YIPF4: variants seen among roughly 807,000 people sequenced by gnomAD.
YIPF4 encodes Yip1 domain family member 4, also known as protein YIPF4.
A neutral mutation model predicts 29.4 loss-of-function variants in YIPF4; 18 were observed. The ratio of observed to expected loss-of-function variants is 0.61; its 90% CI spans 0.42 to 0.91. The LOEUF (loss-of-function observed/expected upper bound fraction) is 0.91, where lower values mean the gene tolerates loss of function less well. Among genes scored for constraint, YIPF4 ranks in the 40% least tolerant of loss-of-function variants. The pLI, the probability that YIPF4 is intolerant of heterozygous loss-of-function variation, is 0.00. For missense variants in YIPF4, 279 were observed against 282.7 expected (o/e 0.99, Z 0.09); for synonymous variants, 115 against 104.7 (o/e 1.10, Z -0.60).
chr2:32,290,794 TGA>T, intron 2 of YIPF4, 158 bp downstream of exon 2: 2 of 392,910 alleles, frequency 5.1e-6, no homozygotes. Context: ...GAAATAATAA[TGA>T]GAGAATATTT....
chr2:32,298,139 T>G, intron 3 of YIPF4, 95 bp from the exon 4 acceptor site: 1 of 947,562 alleles, frequency 1.1e-6, no homozygotes, highest in Admixed American at 2.0e-5. Flanking sequence ...AAATTGGGCA[T>G]GCTAAACTGT....
chr2:32,302,656 T>C (rs1389177231), intron 5 of YIPF4, among the ~76,000 whole-genome samples: 1 of 152,166 alleles, frequency 6.6e-6, no homozygotes, highest in African/African-American at 2.4e-5. Flanking sequence ...GTCGAACAAC[T>C]TTGGGAAATA....
intron 1 of YIPF4, among the ~76,000 whole-genome samples, chr2:32,288,122 C>A (rs2030754155): frequency 6.6e-6 from 1 of 152,028 alleles, no homozygotes; most frequent in Admixed American, 6.6e-5. Flanking sequence ...ATTTTTTGGA[C>A]TTTCCTGTTC....
chr2:32,305,475 T>A lies in YIPF4; in HGVS notation c.598-14T>A. 6.6e-7 allele frequency: 1 copy of A among 1,525,038 alleles called. No individual in the cohort carries two copies. Among genetic ancestry groups the A allele is most frequent in the South Asian group, 1.4e-5 (1 of 73,212 alleles). The allele number at this position is 1,525,038 out of a possible 1,614,324, so 94.5% of individuals were successfully genotyped here. Reference sequence around the variant, plus strand: ...CTAATATGCTGCCTTTTGTCTTTTTTCCTTTTTTTAAAGCTGTTTGGTGTG... The same window carrying A: ...CTAATATGCTGCCTTTTGTCTTTTTACCTTTTTTTAAAGCTGTTTGGTGTG... On this transcript the variant is annotated splice_polypyrimidine_tract_variant and intron_variant, in intron 5 of 5. Coordinates refer to ENST00000238831, the MANE Select transcript of YIPF4 (RefSeq NM_032312.4).
intron 3 of YIPF4, among the ~76,000 whole-genome samples, 196 bp downstream of exon 3, chr2:32,292,544 C>T (rs2030962476): frequency 7.9e-5 from 12 of 152,076 alleles, no homozygotes; most frequent in Admixed American, 7.9e-4. Flanking sequence ...TCAAACTTTT[C>T]CACATCATGA....
In YIPF4 at chr2:32,298,258, T is replaced by C; in HGVS notation, c.430T>C (p.Trp144Arg). The C allele has an allele frequency of 6.2e-7, 1 of 1,610,896 alleles. No individual in the cohort carries two copies. Among genetic ancestry groups the C allele is most frequent in the Non-Finnish European group, 8.5e-7 (1 of 1,178,092 alleles). Residue 144 changes from tryptophan to arginine, a missense_variant, in exon 4 of 6, where the codon TGG becomes CGG. By Grantham distance (101) the Trp-to-Arg change is moderately radical. Transcript: ENST00000238831. ...GGTGGTCTCATGGATTATAACCATTTGGATATTTGGTTCACTAACAATTTT... is the reference window on the plus strand; with the variant it reads ...GGTGGTCTCATGGATTATAACCATTCGGATATTTGGTTCACTAACAATTTT... The part of the protein sequence containing the change: ...FRVVSWIITI[W>R]IFGSLTIFLL...
Position 32,305,500 on chromosome 2 carries a change from G to A in YIPF4, c.609G>A (p.Val203=), listed in dbSNP as rs1346709436. The A allele has an allele frequency of 1.3e-6, 2 of 1,592,596 alleles. No homozygotes were observed. The highest frequency in any genetic ancestry group is 4.5e-5 in the East Asian group (2 of 44,012). The change falls in exon 6 of 6, where the codon GTG becomes GTA. Residue 203 remains valine (V), a synonymous_variant. Transcript: ENST00000238831. ...TCCTTTTTTTAAAGCTGTTTGGTGT[G>A]TTTTGGGCTGCCTACAGTGCTGCTT... ...VVSTLIKLFG[V]FWAAYSAASL... is the part of the protein sequence containing the mutation.
chr2:32,306,275 A>G lies in YIPF4; in HGVS notation c.*649A>G. 1.0e-6 allele frequency: 1 copy of G among 976,306 alleles called. No homozygotes were observed. The highest frequency in any genetic ancestry group is 4.7e-5 in the South Asian group (1 of 21,084). 60.5% of individuals were successfully genotyped at this position (976,306 alleles called of 1,614,324 possible). On this transcript the variant is annotated 3_prime_UTR_variant, in exon 6 of 6. Coordinates refer to ENST00000238831, the MANE Select transcript of YIPF4 (RefSeq NM_032312.4). ...TTAATAACTACTAAAACTGATTTTTAATAGTTGCTGATATATATTTGGTTT... is the reference window on the plus strand; with the variant it reads ...TTAATAACTACTAAAACTGATTTTTGATAGTTGCTGATATATATTTGGTTT...
At chr2:32,280,160 C>CT (rs914133909) in intron 1 of YIPF4, among the ~76,000 whole-genome samples, 57 of 151,142 alleles carry the variant, frequency 3.8e-4, no homozygotes, top group African/African-American at 1.2e-3. Flanking sequence ...CGGAGTCTCA[C>CT]TTTGTCACCC....
chr2:32,292,412 A>G, intron 3 of YIPF4, 64 bp downstream of exon 3: 1 of 1,228,490 alleles, frequency 8.1e-7, no homozygotes, highest in Non-Finnish European at 1.1e-6. Flanking sequence ...TAAATATAAT[A>G]AGATATTAAC....
intron 1 of YIPF4, among the ~76,000 whole-genome samples, chr2:32,278,978 C>T: frequency 6.8e-6 from 1 of 147,220 alleles, no homozygotes; most frequent in Admixed American, 6.8e-5. Flanking sequence ...TAGTCATTTT[C>T]AATTTTTTTT....
intron 1 of YIPF4, among the ~76,000 whole-genome samples, chr2:32,279,011 A>C (rs2030249201): frequency 6.6e-6 from 1 of 150,794 alleles, no homozygotes; most frequent in African/African-American, 2.4e-5. Flanking sequence ...TCTGTCGCCC[A>C]GGCTGGAGTG....
chr2:32,291,197 C>T (rs142713773), intron 2 of YIPF4, among the ~76,000 whole-genome samples: 230 of 152,294 alleles, frequency 1.5e-3, no homozygotes, highest in African/African-American at 5.2e-3. Flanking sequence ...TATTAATTAT[C>T]AGTAGAGTAA....
intron 1 of YIPF4, among the ~76,000 whole-genome samples, chr2:32,284,577 G>A (rs192456866): frequency 3.0e-4 from 45 of 152,224 alleles, no homozygotes; most frequent in East Asian, 1.9e-3. Context: ...GCAATCTGCC[G>A]TGATTGTAAG....
rs2148971376 is a variant in YIPF4 at position 32,314,665 on chromosome 2, C to T, written c.*9039C>T. The T allele has an allele frequency of 6.6e-6, 1 of 151,834 alleles. No individual in the cohort carries two copies. Among genetic ancestry groups the T allele is most frequent in the South Asian group, 2.1e-4 (1 of 4,810 alleles). 9.4% of individuals were successfully genotyped at this position (151,834 alleles called of 1,614,324 possible). A position where few individuals can be genotyped will look rare whatever the true frequency, so the allele number is the denominator to read the frequency against. On this transcript the variant is annotated 3_prime_UTR_variant, in exon 6 of 6. Transcript: ENST00000238831. ...TCCAGCCTGGGCAAGAAGAGCAAAA[C>T]TTCGTCTCAAAAAAAAATAAAAAAA... is the stretch of plus-strand genomic sequence containing the variant.
chr2:32,289,226 A>G (rs1017619060), intron 1 of YIPF4, among the ~76,000 whole-genome samples: 3 of 152,214 alleles, frequency 2.0e-5, no homozygotes, highest in Non-Finnish European at 4.4e-5. Flanking sequence ...AGAACTTTGA[A>G]TAGGAAACTA....
intron 4 of YIPF4, 82 bp downstream of exon 4, chr2:32,298,393 A>T: frequency 9.6e-7 from 1 of 1,041,346 alleles, no homozygotes; most frequent in Non-Finnish European, 1.4e-6. Flanking sequence ...CATTAGCTAT[A>T]CAAGAAACTT....
chr2:32,297,212 C>T (rs542199339), intron 3 of YIPF4, among the ~76,000 whole-genome samples: 3 of 152,168 alleles, frequency 2.0e-5, no homozygotes, highest in African/African-American at 4.8e-5. Context: ...GCAACCTCTG[C>T]CTCCCAGGTT....
Position 32,278,234 on chromosome 2 carries a change from G to A in YIPF4, c.79G>A (p.Asp27Asn). ...FTFVSSADAE[D>N]LSGSIASPDV... is the part of the protein sequence containing the mutation. ...CTTTGTCTCCTCAGCAGACGCGGAA[G>A]GTGAGGCTGAGCCCCTGGAAGGGCT... Residue 27 changes from aspartate (D) to asparagine (N), a missense_variant and splice_region_variant, in exon 1 of 6, where the codon GAT (aspartate) becomes AAT (asparagine). By Grantham distance (23) the Asp-to-Asn change is conservative (BLOSUM62 1). Transcript: ENST00000238831. The A allele has an allele frequency of 1.9e-6, 3 of 1,560,484 alleles. No individual in the cohort carries two copies. Among genetic ancestry groups the A allele is most frequent in the Non-Finnish European group, 2.6e-6 (3 of 1,152,758 alleles).
Sources: allele counts gnomAD v4.1 joint callset (sites outside exome capture counted in the v4.1 genomes callset), GRCh38; gene constraint gnomAD v4.1.1; transcripts MANE v1.5; gene names NCBI Gene and HGNC (gene_info 2026-07-23, HGNC 2026-07-21).